CYFIP1: variants seen among roughly 807,000 people sequenced by gnomAD.
The protein encoded by CYFIP1 is cytoplasmic FMR1-interacting protein 1.
CYFIP1 carries 58 observed loss-of-function variants against 163.5 expected under a neutral mutation model. The ratio of observed to expected loss-of-function variants is 0.35; its 90% CI spans 0.29 to 0.44. The LOEUF (loss-of-function observed/expected upper bound fraction) is 0.44. Among genes scored for constraint, CYFIP1 ranks in the 20% least tolerant of loss-of-function variants. CYFIP1 has a pLI of 1.00. For missense variants in CYFIP1, 1,338 were observed against 1,653.8 expected, an observed-to-expected ratio of 0.81 and a Z score of 3.31; for synonymous variants, 663 against 660.7, an observed-to-expected ratio of 1.00 and a Z score of -0.05.
intron 23 of CYFIP1, among the ~76,000 whole-genome samples, chr15:22,888,339 T>C (rs1242002427): frequency 1.3e-5 from 2 of 152,330 alleles, no homozygotes; most frequent in Middle Eastern, 3.4e-3. Context: ...AGCACATGAC[T>C]CAGCTCAGAC....
chr15:22,946,924 A>G, intron 3 of CYFIP1, 79 bp downstream of exon 3: 2 of 1,230,152 alleles, frequency 1.6e-6, no homozygotes, highest in Non-Finnish European at 2.4e-6. Context: ...GTCTATTGGG[A>G]TAATACCAAA....
chr15:22,901,389 T>C (rs2060387871), intron 22 of CYFIP1, among the ~76,000 whole-genome samples: 3 of 152,102 alleles, frequency 2.0e-5, no homozygotes. Flanking sequence ...AGAAAAATGG[T>C]AACATGACAG....
intron 22 of CYFIP1, among the ~76,000 whole-genome samples, chr15:22,894,388 C>T (rs747594482): frequency 7.2e-6 from 1 of 139,102 alleles, no homozygotes; most frequent in Non-Finnish European, 1.5e-5. Flanking sequence ...CTTCCGGATT[C>T]AAACGATTCT....
In CYFIP1 at chr15:22,976,378, G is replaced by A. The variant is rs937446969; in HGVS notation, c.-7+3909C>T. Among the ~76,000 whole-genome samples, 34 of 152,072 alleles carry A rather than the reference G, an allele frequency of 2.2e-4. 1 individual carries two copies. Among genetic ancestry groups the A allele is most frequent in the African/African-American group, 7.2e-4 (30 of 41,400 alleles). ...TCACTATGTTGGCCAGGCTGGTCTC[G>A]AACTCCTGCCCTTGTGATCCGCCCG... On this transcript the variant is annotated intron_variant, in intron 1 of 30. Coordinates refer to ENST00000617928, the MANE Select transcript of CYFIP1 (RefSeq NM_014608.6).
chr15:22,902,004 CAA>C (rs1166372575), intron 22 of CYFIP1, among the ~76,000 whole-genome samples: 1 of 152,206 alleles, frequency 6.6e-6, no homozygotes, highest in Non-Finnish European at 1.5e-5. Context: ...AATCACACCT[CAA>C]GTGTCCCCAG....
intron 30 of CYFIP1, 147 bp downstream of exon 30, chr15:22,872,678 T>C (rs891804445): frequency 1.4e-6 from 1 of 732,434 alleles, no homozygotes; most frequent in South Asian, 1.9e-5. Context: ...TATATTTAGA[T>C]TCATTTTGGG....
chr15:22,875,883 A>AT (rs1282559479), intron 26 of CYFIP1, among the ~76,000 whole-genome samples: 1 of 41,012 alleles, frequency 2.4e-5, no homozygotes, highest in African/African-American at 1.1e-4. Flanking sequence ...TCTCCAGAAT[A>AT]ACATATATAT....
intron 30 of CYFIP1, 55 bp from the exon 31 acceptor site, chr15:22,870,247 C>T: frequency 6.6e-7 from 1 of 1,517,396 alleles, no homozygotes; most frequent in Non-Finnish European, 8.9e-7. Context: ...ATTTATTCTT[C>T]ATGTTTCAAA....
intron 26 of CYFIP1, 25 bp downstream of exon 26, chr15:22,879,887 AG>A: frequency 6.4e-7 from 1 of 1,572,450 alleles, no homozygotes; most frequent in Admixed American, 1.7e-5. Context: ...TGGGGCGGGG[AG>A]GGGCGGCGTT....
At chr15:22,926,701 G>C (rs755933114) in intron 12 of CYFIP1, among the ~76,000 whole-genome samples, 58 of 152,248 alleles carry the variant, frequency 3.8e-4, no homozygotes, top group Non-Finnish European at 6.2e-4. Context: ...TTGATGGCTG[G>C]AGCTCCAAAG....
Position 22,917,571 on chromosome 15 carries a change from G to A in CYFIP1, c.1674+217C>T, listed in dbSNP as rs2061029977. The A allele has an allele frequency of 1.6e-6, 1 of 615,580 alleles. No individual in the cohort carries two copies. Among genetic ancestry groups the A allele is most frequent in the Non-Finnish European group, 2.7e-6 (1 of 372,712 alleles). 38.1% of individuals were successfully genotyped at this position (615,580 alleles called of 1,614,324 possible). On this transcript the variant is annotated intron_variant, in intron 15 of 30. Transcript: ENST00000617928. This position sits in a 1 kb window ranked among gnomAD's most constrained non-coding sequence, Gnocchi z 4.2. ...AAATGGAGTCAGACTCCTTTTTAGT[G>A]CACATGACACATCTGACAATCAAGG...
At chr15:22,930,928 T>C (rs2061516746) in intron 11 of CYFIP1, among the ~76,000 whole-genome samples, 4 of 152,344 alleles carry the variant, frequency 2.6e-5, no homozygotes, top group Admixed American at 2.0e-4. Context: ...AGTACTGTCC[T>C]AGGCCTCCCA....
chr15:22,943,075 G>A (rs570531563), intron 6 of CYFIP1, 98 bp downstream of exon 6: 11 of 1,191,564 alleles, frequency 9.2e-6, no homozygotes, highest in East Asian at 7.6e-5. Flanking sequence ...CAGAAGTGAC[G>A]ACTTCAGCAA....
At position 22,867,589 on chromosome 15, in the gene CYFIP1, T is replaced by C. The variant is rs2059197853; in HGVS notation, c.*2439A>G. On this transcript the variant is annotated 3_prime_UTR_variant, in exon 31 of 31. Coordinates refer to ENST00000617928, the MANE Select transcript of CYFIP1 (RefSeq NM_014608.6). The stretch of plus-strand genomic sequence containing the variant: ...CTGGAACCTTGATTACCGTTTTACA[T>C]CAGCTCTTGTACTTTTCAGTATATT... 5.6e-6 allele frequency: 1 copy of C among 179,636 alleles called. No homozygotes were observed. The highest frequency in any genetic ancestry group is 6.2e-5 in the Admixed American group (1 of 16,134). 11.1% of individuals were successfully genotyped at this position (179,636 alleles called of 1,614,324 possible).
At chr15:22,878,440 G>A (rs974713825) in intron 26 of CYFIP1, among the ~76,000 whole-genome samples, 2 of 152,100 alleles carry the variant, frequency 1.3e-5, no homozygotes, top group Non-Finnish European at 2.9e-5. Context: ...AGCAACGGGA[G>A]GAGGAGCCCT....
chr15:22,957,319 G>A lies in CYFIP1; in HGVS notation c.-6-10028C>T, dbSNP rs900268469. Among the ~76,000 whole-genome samples, 6 of 152,004 alleles carry A rather than the reference G, an allele frequency of 3.9e-5. No individual in the cohort carries two copies. In the South Asian group the frequency reaches 8.3e-4, roughly 21 times the overall value. On this transcript the variant is annotated intron_variant, in intron 1 of 30. Coordinates refer to ENST00000617928, the MANE Select transcript of CYFIP1 (RefSeq NM_014608.6). The stretch of plus-strand genomic sequence containing the variant: ...AGATCTAGACAATCCTGGCTAACAC[G>A]GTGAAACCTCATCTCTACTAAAAAT...
In CYFIP1 at chr15:22,917,354, C is replaced by G. The variant is rs1200058619; in HGVS notation, c.1674+434G>C. 3 of 1,235,858 alleles carry G rather than the reference C, an allele frequency of 2.4e-6. No homozygotes were observed. Among genetic ancestry groups the G allele is most frequent in the East Asian group, 6.9e-5 (2 of 29,104 alleles). The allele number at this position is 1,235,858 out of a possible 1,614,324, so 76.6% of individuals were successfully genotyped here. A position where few individuals can be genotyped will look rare whatever the true frequency, so the allele number is the denominator to read the frequency against. ...GAAGCACCTCGGGGAGGCCTGAACA[C>G]ACCAGGAGAGAGGACAGTGGGCAGC... On this transcript the variant is annotated intron_variant, in intron 15 of 30. Transcript: ENST00000617928. This position sits in a 1 kb window ranked among gnomAD's most constrained non-coding sequence, Gnocchi z 4.2.
chr15:22,911,926 C>G (rs1379530547), intron 18 of CYFIP1, among the ~76,000 whole-genome samples: 2 of 152,136 alleles, frequency 1.3e-5, no homozygotes, highest in African/African-American at 4.8e-5. Flanking sequence ...TTCAGTTGAA[C>G]ATCAAAGATC....
intron 1 of CYFIP1, among the ~76,000 whole-genome samples, chr15:22,955,354 G>T (rs937994606): frequency 6.6e-6 from 1 of 152,218 alleles, no homozygotes; most frequent in South Asian, 2.1e-4. Flanking sequence ...CTGACCCAGT[G>T]CCGGGTGCCC....
Sources: allele counts gnomAD v4.1 joint callset (sites outside exome capture counted in the v4.1 genomes callset), GRCh38; gene constraint gnomAD v4.1.1; non-coding constraint Gnocchi (gnomAD v3.1); transcripts MANE v1.5; gene names NCBI Gene and HGNC (gene_info 2026-07-23, HGNC 2026-07-21).